Variants in ADAM28 observed in about 807,000 individuals in gnomAD.
ADAM28 encodes the protein ADAM metallopeptidase domain 28.
Under a neutral mutation model 101.2 loss-of-function variants are expected in ADAM28, and 105 were observed. That is an observed-to-expected ratio of 1.04 (90% CI 0.89 to 1.22). ADAM28 has a LOEUF of 1.22. ADAM28 is among the 50% of genes most tolerant of loss of function. The probability of loss-of-function intolerance (pLI) is 0.00; values close to 1 mark genes in which losing one functional copy is unlikely to be tolerated. For missense variants in ADAM28, 1,028 were observed against 945.4 expected (o/e 1.09, Z -1.15); for synonymous variants, 322 against 310.6 (o/e 1.04, Z -0.39).
intron 2 of ADAM28, among the ~76,000 whole-genome samples, chr8:24,306,386 T>TATATATATATATA (rs1809681753): frequency 9.2e-6 from 1 of 108,992 alleles, no homozygotes; most frequent in Non-Finnish European, 1.9e-5. Flanking sequence ...ATATATATAT[T>TATATATATATATA]TAAAAATATA....
chr8:24,336,576 T>A (rs1395143085), intron 14 of ADAM28, among the ~76,000 whole-genome samples: 1 of 109,106 alleles, frequency 9.2e-6, no homozygotes, highest in African/African-American at 3.6e-5. Context: ...CCAGACTCCG[T>A]CTCCAAAAAA....
At position 24,335,428 on chromosome 8, in the gene ADAM28, A is replaced by G. The variant is rs372216468; in HGVS notation, c.1372-18A>G. 86 of 1,583,512 alleles carry G rather than the reference A, an allele frequency of 5.4e-5. 1 individual carries two copies. In the East Asian group the frequency reaches 1.7e-3, roughly 31 times the overall value. ...AGGTAGGGAGAATAAAAAGCCTTCTATTTTTGTTTTTCTACAGTTTAAAAA... is the reference window on the plus strand; with the variant it reads ...AGGTAGGGAGAATAAAAAGCCTTCTGTTTTTGTTTTTCTACAGTTTAAAAA... On this transcript the variant is annotated intron_variant, in intron 13 of 22. Transcript: ENST00000265769.
At chr8:24,316,451 T>C (rs954414557) in intron 6 of ADAM28, among the ~76,000 whole-genome samples, 3 of 152,060 alleles carry the variant, frequency 2.0e-5, no homozygotes, top group Non-Finnish European at 2.9e-5. Context: ...ATGCAGTTGT[T>C]GATGATTAAA....
chr8:24,300,868 A>G (rs1808662557), intron 2 of ADAM28: 3 of 152,216 alleles, frequency 2.0e-5, no homozygotes, highest in Admixed American at 1.3e-4. Flanking sequence ...ATATATGCAC[A>G]TTAACATGAA....
At chr8:24,307,632 T>C (rs966779728) in intron 2 of ADAM28, among the ~76,000 whole-genome samples, 1 of 152,240 alleles carries the variant, frequency 6.6e-6, no homozygotes, top group Non-Finnish European at 1.5e-5. Flanking sequence ...TAAATGTTTA[T>C]GACTGGAGCA....
At position 24,353,778 on chromosome 8, in the gene ADAM28, C is replaced by T. The variant is rs564255822; in HGVS notation, c.2253C>T (p.Asp751=). ...TTTTATAATTAACGTAGCATAAAGA[C>T]ACAAACGCACTTCCCCCTACTGTTT... The part of the protein sequence containing the change: ...GNEPPASFHK[D]TNALPPTVFK... The change falls in exon 22 of 23, where the codon GAC becomes GAT. Residue 751 remains aspartate (D), a synonymous_variant. Coordinates refer to ENST00000265769, the MANE Select transcript of ADAM28 (RefSeq NM_014265.6). 8 of 1,513,064 alleles carry T rather than the reference C, an allele frequency of 5.3e-6. No individual in the cohort carries two copies. The Admixed American group carries it at 6.7e-5, about 13-fold the overall frequency. The allele number at this position is 1,513,064 out of a possible 1,614,324, so 93.7% of individuals were successfully genotyped here. A position where few individuals can be genotyped will look rare whatever the true frequency, so the allele number is the denominator to read the frequency against.
intron 1 of ADAM28, among the ~76,000 whole-genome samples, chr8:24,299,221 A>G (rs1253935749): frequency 6.6e-6 from 1 of 152,142 alleles, no homozygotes; most frequent in African/African-American, 2.4e-5. Context: ...TGACTTCTAA[A>G]GACAACATGG....
At chr8:24,305,878 A>G (rs1353386304) in intron 2 of ADAM28, among the ~76,000 whole-genome samples, 1 of 152,130 alleles carries the variant, frequency 6.6e-6, no homozygotes, top group African/African-American at 2.4e-5. Flanking sequence ...TTACTTTTTA[A>G]TATCTCAGGT....
rs1782036232 is a variant in ADAM28 at position 24,357,510 on chromosome 8, G to GAACT, written c.*3107_*3110dup. ...ATGATGGAAGATGTGTATGAAGGAG[G>GAACT]AACTGTCAAACACTTATAAAACCAT... On this transcript the variant is annotated 3_prime_UTR_variant, in exon 23 of 23. Coordinates refer to ENST00000265769, the MANE Select transcript of ADAM28 (RefSeq NM_014265.6). The GAACT allele has an allele frequency of 6.6e-6, 1 of 151,964 alleles. No individual in the cohort carries two copies. The allele number at this position is 151,964 out of a possible 1,614,324, so 9.4% of individuals were successfully genotyped here.
chr8:24,331,361 G>A (rs1265848564), intron 12 of ADAM28, 34 bp downstream of exon 12: 1 of 1,557,624 alleles, frequency 6.4e-7, no homozygotes, highest in Non-Finnish European at 8.7e-7. Flanking sequence ...CGATCTAGTT[G>A]GTTTTTCAGT....
chr8:24,320,169 G>A (rs1375338127), intron 6 of ADAM28, 67 bp from the exon 7 acceptor site: 6 of 1,184,112 alleles, frequency 5.1e-6, no homozygotes, highest in East Asian at 2.4e-5. Flanking sequence ...AATTACAGAT[G>A]TCAAATAATA....
chr8:24,294,359 T>C (rs138791659), intron 1 of ADAM28, among the ~76,000 whole-genome samples, 164 bp downstream of exon 1: 3 of 152,332 alleles, frequency 2.0e-5, no homozygotes, highest in African/African-American at 7.2e-5. Context: ...GTTTGGGGGC[T>C]GCGAGTGATA....
At chr8:24,308,544 C>T (rs1011859996) in intron 2 of ADAM28, 1 of 448,286 alleles carries the variant, frequency 2.2e-6, no homozygotes, top group African/African-American at 2.0e-5. Context: ...GTATCATTCT[C>T]ATGGCTTCAT....
Position 24,354,221 on chromosome 8 carries a change from C to A in ADAM28, c.2308-163C>A, listed in dbSNP as rs6557729. Among the ~76,000 whole-genome samples, 751 of 152,104 alleles carry A rather than the reference C, an allele frequency of 4.9e-3. 6 individuals carry two copies. Among genetic ancestry groups the A allele is most frequent in the South Asian group, 0.013 (64 of 4,822 alleles). On this transcript the variant is annotated intron_variant, in intron 22 of 22. Coordinates refer to ENST00000265769, the MANE Select transcript of ADAM28 (RefSeq NM_014265.6). ...GTGTAGTGTTTTTCTCACTCCCTTC[C>A]TATCCTCTCACATTTCTACTTCTTC...
At chr8:24,330,694 A>G (rs924284660) in intron 11 of ADAM28, among the ~76,000 whole-genome samples, 2 of 152,164 alleles carry the variant, frequency 1.3e-5, no homozygotes, top group Admixed American at 1.3e-4. Flanking sequence ...CCTGTACAAA[A>G]CAGCATATGG....
At chr8:24,350,034 T>C in intron 19 of ADAM28, 62 bp downstream of exon 19, 1 of 1,426,302 alleles carries the variant, frequency 7.0e-7, no homozygotes. Context: ...TTACTTTAAA[T>C]TCAATGTATA....
At chr8:24,311,881 G>T (rs1421696908) in intron 5 of ADAM28, among the ~76,000 whole-genome samples, 1 of 152,042 alleles carries the variant, frequency 6.6e-6, no homozygotes, top group East Asian at 1.9e-4. Context: ...TGGGATTACA[G>T]ATGCCCGCCA....
rs145158691 is a variant in ADAM28 at position 24,332,447 on chromosome 8, T to C, written c.1282-213T>C. Among the ~76,000 whole-genome samples, 321 of 152,280 alleles carry C rather than the reference T, an allele frequency of 2.1e-3. 1 individual carries two copies. Among genetic ancestry groups the C allele is most frequent in the Non-Finnish European group, 1.1e-3 (74 of 68,004 alleles). On this transcript the variant is annotated intron_variant, in intron 12 of 22. Transcript: ENST00000265769. ...ATTGGAGACTGAGGAAACTAGTTAA[T>C]AGAAAAATGACGTAAGTGGAATTCA...
intron 11 of ADAM28, among the ~76,000 whole-genome samples, chr8:24,330,559 C>T (rs62502728): frequency 0.098 from 14,989 of 152,216 alleles, 960 homozygotes; most frequent in East Asian, 0.25. Flanking sequence ...AAAAATCTCA[C>T]AATCTTTTTT....
Sources: gnomAD v4.1 joint callset for allele counts (sites outside exome capture counted in the v4.1 genomes callset) on GRCh38, gnomAD v4.1.1 for gene constraint, MANE v1.5 for transcripts, NCBI Gene and HGNC (gene_info 2026-07-23, HGNC 2026-07-21) for gene names.